The following TLE4 variants were observed in gnomAD, a reference collection of about 807,000 sequenced individuals.
The protein encoded by TLE4 is TLE family member 4, transcriptional corepressor.
In TLE4, 8 loss-of-function variants were observed where a neutral mutation model predicts 92.8. That is an observed-to-expected ratio of 0.09 (90% confidence interval 0.05 to 0.16). TLE4 has a LOEUF of 0.16. Among genes scored for constraint, TLE4 ranks in the 10% least tolerant of loss-of-function variants. The probability of loss-of-function intolerance (pLI) is 1.00; values close to 1 mark genes in which losing one functional copy is unlikely to be tolerated. For missense variants in TLE4, 675 were observed against 997.6 expected, an observed-to-expected ratio of 0.68 and a Z score of 4.36; for synonymous variants, 371 against 374.1, an observed-to-expected ratio of 0.99 and a Z score of 0.10.
intron 6 of TLE4, among the ~76,000 whole-genome samples, chr9:79,631,744 T>G (rs1182673872): frequency 6.6e-6 from 1 of 150,884 alleles, no homozygotes; most frequent in Non-Finnish European, 1.5e-5. Context: ...CGTTATAGAT[T>G]TCAAAACTGC....
chr9:79,632,643 T>C (rs1261146603), intron 6 of TLE4, among the ~76,000 whole-genome samples: 2 of 152,216 alleles, frequency 1.3e-5, no homozygotes, highest in Non-Finnish European at 2.9e-5. Context: ...TTTTGTGTTA[T>C]TTTTTAAATA....
chr9:79,693,142 A>T (rs2067426999), intron 8 of TLE4, among the ~76,000 whole-genome samples: 1 of 152,126 alleles, frequency 6.6e-6, no homozygotes, highest in Admixed American at 6.5e-5. Context: ...AACATTACCA[A>T]CACAGAATAG....
intron 8 of TLE4, among the ~76,000 whole-genome samples, chr9:79,694,640 CG>C (rs1309608099): frequency 2.6e-5 from 4 of 152,126 alleles, no homozygotes; most frequent in Non-Finnish European, 4.4e-5. Flanking sequence ...TAAAAATTTA[CG>C]TAAAGCACCA....
chr9:79,689,315 A>G (rs1208008937), intron 8 of TLE4, among the ~76,000 whole-genome samples: 1 of 151,598 alleles, frequency 6.6e-6, no homozygotes, highest in Non-Finnish European at 1.5e-5. Context: ...TGTTACATCA[A>G]TTTTTATTGT....
chr9:79,594,869 A>G (rs889116397), intron 4 of TLE4, among the ~76,000 whole-genome samples: 1 of 152,236 alleles, frequency 6.6e-6, no homozygotes, highest in Admixed American at 6.5e-5. Context: ...TAAGGGAGCA[A>G]AACTCCAACT....
chr9:79,629,687 C>T (rs904725931), intron 6 of TLE4, among the ~76,000 whole-genome samples: 8 of 152,158 alleles, frequency 5.3e-5, no homozygotes, highest in African/African-American at 9.7e-5. Context: ...ATCACATTAT[C>T]TGACTATTCT....
chr9:79,579,376 G>T (rs991277111), intron 4 of TLE4, among the ~76,000 whole-genome samples: 4 of 152,186 alleles, frequency 2.6e-5, no homozygotes, highest in Non-Finnish European at 1.5e-5. Flanking sequence ...GACTCTGACA[G>T]CAGTGGTTAC....
intron 6 of TLE4, among the ~76,000 whole-genome samples, chr9:79,636,321 C>T (rs1024759935): frequency 7.9e-5 from 12 of 152,110 alleles, no homozygotes; most frequent in Middle Eastern, 3.2e-3. Flanking sequence ...AAATGAAAAA[C>T]CCAGGAAAAC....
At chr9:79,663,298 G>A (rs968643707) in intron 8 of TLE4, among the ~76,000 whole-genome samples, 1 of 152,200 alleles carries the variant, frequency 6.6e-6, no homozygotes, top group African/African-American at 2.4e-5. Flanking sequence ...CTCTGAGGCT[G>A]CCCTGTCCAA....
rs546061575 is a variant in TLE4, at chr9:79,691,379, G to A, written c.610-13404G>A. On this transcript the variant is annotated intron_variant, in intron 8 of 19. Transcript: ENST00000376552. ...TGTACACTTAGTGTTGTTTTTAATT[G>A]CAAAGGATGGAGGTAGGCAGTGTAA... Among the ~76,000 whole-genome samples, 6 of 152,300 alleles carry A rather than the reference G, an allele frequency of 3.9e-5. No individual in the cohort carries two copies. The South Asian group carries it at 1.0e-3, about 26-fold the overall frequency.
intron 6 of TLE4, among the ~76,000 whole-genome samples, chr9:79,629,607 A>G (rs2053643974): frequency 6.6e-6 from 1 of 152,208 alleles, no homozygotes; most frequent in African/African-American, 2.4e-5. Context: ...ATACTTGGAT[A>G]TAGTTGGATA....
chr9:79,715,380 C>T (rs949665358), intron 14 of TLE4, among the ~76,000 whole-genome samples: 6 of 152,098 alleles, frequency 3.9e-5, no homozygotes, highest in African/African-American at 1.4e-4. Context: ...TCCCTCAGAA[C>T]CTCAGCCTTT....
intron 4 of TLE4, among the ~76,000 whole-genome samples, chr9:79,592,104 CTTCTTCT>C (rs775181411): frequency 0.026 from 3,922 of 151,090 alleles, 81 homozygotes; most frequent in Non-Finnish European, 0.038. Flanking sequence ...TCTTCTTCTT[CTTCTTCT>C]TTCTTCTTTC....
At chr9:79,707,287 A>G in intron 11 of TLE4, 2 of 1,282,650 alleles carry the variant, frequency 1.6e-6, no homozygotes, top group Non-Finnish European at 1.1e-6. Flanking sequence ...GCTACATATG[A>G]CGGCAATAAT....
intron 6 of TLE4, among the ~76,000 whole-genome samples, chr9:79,631,679 C>T (rs1309777903): frequency 1.7e-5 from 2 of 117,696 alleles, no homozygotes; most frequent in Non-Finnish European, 3.4e-5. Context: ...ACATTGACAA[C>T]GTGGTAAGAG....
chr9:79,681,860 G>GTT (rs762953566), intron 8 of TLE4, among the ~76,000 whole-genome samples: 1 of 137,010 alleles, frequency 7.3e-6, no homozygotes, highest in Non-Finnish European at 1.6e-5. Context: ...GTGTGTGTGT[G>GTT]TGTATGTGTG....
Position 79,679,357 on chromosome 9 carries a change from T to G in TLE4, c.609+25282T>G, listed in dbSNP as rs531025960. Among the ~76,000 whole-genome samples the G allele has an allele frequency of 1.6e-3, 249 of 152,308 alleles. 1 individual carries two copies. Among genetic ancestry groups the G allele is most frequent in the African/African-American group, 5.7e-3 (236 of 41,574 alleles). ...TCTCATTGTGGTTTTGATTTGCATTTCTCTGATGGCCAGTGATGATGAGCA... is the reference window on the plus strand; with the variant it reads ...TCTCATTGTGGTTTTGATTTGCATTGCTCTGATGGCCAGTGATGATGAGCA... On this transcript the variant is annotated intron_variant, in intron 8 of 19. Coordinates refer to ENST00000376552, the MANE Select transcript of TLE4 (RefSeq NM_007005.6).
intron 8 of TLE4, among the ~76,000 whole-genome samples, chr9:79,661,136 T>C (rs1037884820): frequency 9.2e-5 from 14 of 152,376 alleles, no homozygotes; most frequent in Non-Finnish European, 1.5e-4. Flanking sequence ...ATTTAAGTTT[T>C]AATAGTTGAC....
intron 5 of TLE4, among the ~76,000 whole-genome samples, chr9:79,615,533 T>C (rs1467609798): frequency 6.6e-6 from 1 of 152,056 alleles, no homozygotes; most frequent in African/African-American, 2.4e-5. Flanking sequence ...GAACAAGGGG[T>C]ATATTTACAT....
Sources: gnomAD v4.1 joint callset for allele counts (sites outside exome capture counted in the v4.1 genomes callset) on GRCh38, gnomAD v4.1.1 for gene constraint, MANE v1.5 for transcripts, NCBI Gene and HGNC (gene_info 2026-07-23, HGNC 2026-07-21) for gene names.